Variants in ABCA3 observed in about 807,000 individuals in gnomAD.
The protein encoded by ABCA3 is phospholipid-transporting ATPase ABCA3.
ABCA3 carries 88 observed loss-of-function variants against 172.8 expected under a neutral mutation model. That is an observed-to-expected ratio of 0.51 (90% CI 0.43 to 0.61). The LOEUF (loss-of-function observed/expected upper bound fraction) is 0.61, where lower values mean the gene tolerates loss of function less well. Among genes scored for constraint, ABCA3 ranks in the 20% least tolerant of loss-of-function variants. The pLI, the probability that ABCA3 is intolerant of heterozygous loss-of-function variation, is 0.00. For missense variants in ABCA3, 2,164 were observed against 2,301.0 expected (o/e 0.94, Z 1.22); for synonymous variants, 1,066 against 983.8 (o/e 1.08, Z -1.56).
At chr16:2,335,582 A>G (rs573999667) in intron 1 of ABCA3, among the ~76,000 whole-genome samples, 2 of 152,256 alleles carry the variant, frequency 1.3e-5, no homozygotes, top group African/African-American at 4.8e-5. Context: ...CTTTACTGAC[A>G]TTTAATACTT....
At chr16:2,314,496 G>A (rs1401274608) in intron 10 of ABCA3, among the ~76,000 whole-genome samples, 2 of 152,022 alleles carry the variant, frequency 1.3e-5, no homozygotes, top group African/African-American at 4.8e-5. Flanking sequence ...GACTGTTTCA[G>A]TCGGGAAACA....
intron 11 of ABCA3, among the ~76,000 whole-genome samples, chr16:2,306,830 A>C (rs1323256093): frequency 6.6e-6 from 1 of 151,988 alleles, no homozygotes; most frequent in Non-Finnish European, 1.5e-5. Flanking sequence ...CCTGGCTAAC[A>C]CAGTGAAACC....
At position 2,284,494 on chromosome 16, in the gene ABCA3, G is replaced by A; in HGVS notation, c.3704-57C>T. ...GGAGGGCACACCACACCCACCTCCA[G>A]GACGGGCCTGGTCAGGGCGGGCACA... On this transcript the variant is annotated intron_variant, in intron 24 of 32. Coordinates refer to ENST00000301732, the MANE Select transcript of ABCA3 (RefSeq NM_001089.3). The surrounding 1 kb of genome is among the most constrained non-coding windows in gnomAD (Gnocchi z 5.9). 1.2e-6 allele frequency: 2 copies of A among 1,605,636 alleles called. No homozygotes were observed. Among genetic ancestry groups the A allele is most frequent in the South Asian group, 1.1e-5 (1 of 90,670 alleles).
Position 2,276,110 on chromosome 16 carries a change from C to T in ABCA3, c.*564G>A, listed in dbSNP as rs1001317347. On this transcript the variant is annotated 3_prime_UTR_variant, in exon 33 of 33. Coordinates refer to ENST00000301732, the MANE Select transcript of ABCA3 (RefSeq NM_001089.3). ...CCGGCTTCGCGGTGACTACCATGCC[C>T]TAAGGAGCAGAGCCTCCAGGATGCC... The T allele has an allele frequency of 3.0e-6, 1 of 332,642 alleles. No homozygotes were observed. The highest frequency in any genetic ancestry group is 2.2e-5 in the African/African-American group (1 of 45,762). 20.6% of individuals were successfully genotyped at this position (332,642 alleles called of 1,614,324 possible).
chr16:2,329,094 C>T lies in ABCA3; in HGVS notation c.-331-337G>A, dbSNP rs74517427. Among the ~76,000 whole-genome samples the T allele has an allele frequency of 6.3e-3, 952 of 151,342 alleles. 11 individuals carry two copies. Among genetic ancestry groups the T allele is most frequent in the East Asian group, 0.038 (196 of 5,168 alleles). ...TAAATATTTACATGAAATACAACTG[C>T]AAACAGTTAAAAATTAATTTAAAAT... is the stretch of plus-strand genomic sequence containing the variant. On this transcript the variant is annotated intron_variant, in intron 2 of 32. Coordinates refer to ENST00000301732, the MANE Select transcript of ABCA3 (RefSeq NM_001089.3).
intron 19 of ABCA3, among the ~76,000 whole-genome samples, chr16:2,290,533 C>G (rs1453803887): frequency 6.6e-6 from 1 of 152,166 alleles, no homozygotes; most frequent in East Asian, 1.9e-4. Flanking sequence ...GCTGCTGAGA[C>G]GCAGCAGGAT....
rs1463885956 is a variant in ABCA3 at position 2,324,455 on chromosome 16, G to A, written c.396C>T (p.Ala132=). ...GGTTGAAGGGGTGCTCGAAGACCAC[G>A]GCGGCCAGCACGCTGGACGAGCAGT... The part of the protein sequence containing the change: ...YDNCSSSVLA[A]VVFEHPFNHS... The change falls in exon 6 of 33, where the codon GCC becomes GCT. Residue 132 remains alanine (A), a synonymous_variant. Coordinates refer to ENST00000301732, the MANE Select transcript of ABCA3 (RefSeq NM_001089.3). 3.7e-6 allele frequency: 6 copies of A among 1,609,172 alleles called. No individual in the cohort carries two copies. Among genetic ancestry groups the A allele is most frequent in the African/African-American group, 2.7e-5 (2 of 74,896 alleles).
At chr16:2,290,492 C>T (rs113631786) in intron 19 of ABCA3, among the ~76,000 whole-genome samples, 4 of 152,178 alleles carry the variant, frequency 2.6e-5, no homozygotes, top group African/African-American at 9.7e-5. Context: ...GCCAGAGAGG[C>T]CTGAGACCTT....
chr16:2,297,444 G>A lies in ABCA3; in HGVS notation c.2148C>T (p.Ile716=), dbSNP rs778997367. The part of the protein sequence containing the change: ...LLQRQKSDRT[I]VLTTHFMDEA... ...CGTCCATGAAGTGGGTGGTCAGCAC[G>A]ATGGTGCGGTCACTTTTCTGCCGCT... Residue 716 remains isoleucine (I), a synonymous_variant, in exon 17 of 33, where the codon ATC becomes ATT. Coordinates refer to ENST00000301732, the MANE Select transcript of ABCA3 (RefSeq NM_001089.3). The surrounding 1 kb of genome is among the most constrained non-coding windows in gnomAD (Gnocchi z 5.6). The A allele has an allele frequency of 1.1e-5, 17 of 1,613,814 alleles. No individual in the cohort carries two copies. The Admixed American group carries it at 2.2e-4, about 21-fold the overall frequency.
In ABCA3 at chr16:2,317,307, T is replaced by C; in HGVS notation, c.1087A>G (p.Met363Val). The C allele has an allele frequency of 6.2e-7, 1 of 1,613,956 alleles. No individual in the cohort carries two copies. The highest frequency in any genetic ancestry group is 8.5e-7 in the Non-Finnish European group (1 of 1,179,980). Reference sequence around the variant, plus strand: ...CCTTTGCTGAAGAAGGTGCTGACCATGAAGCTGAAGGAGATGGTAGAGATG... The same window carrying C: ...CCTTTGCTGAAGAAGGTGCTGACCACGAAGCTGAAGGAGATGGTAGAGATG... Reference protein sequence around the residue: ...FAISTISFSFMVSTFFSKANM... With the variant: ...FAISTISFSFVVSTFFSKANM... Residue 363 changes from methionine (M) to valine (V), a missense_variant, in exon 10 of 33, where the codon ATG becomes GTG. Physicochemically the swap from Met to Val is conservative, Grantham distance 21. This residue lies in a region of ABCA3 where 1,343 missense variants were observed against 1,369.6 expected (regional missense o/e 0.98). Coordinates refer to ENST00000301732, the MANE Select transcript of ABCA3 (RefSeq NM_001089.3).
At chr16:2,299,295 T>C (rs765014934) in intron 14 of ABCA3, 108 bp downstream of exon 14, 229 of 1,503,410 alleles carry the variant, frequency 1.5e-4, no homozygotes, top group Non-Finnish European at 2.0e-4. Flanking sequence ...GCCGCTGTGG[T>C]TGGGGAAGGC....
Position 2,283,761 on chromosome 16 carries a change from A to C in ABCA3, c.3863-403T>G. On this transcript the variant is annotated intron_variant, in intron 25 of 32. Transcript: ENST00000301732. The surrounding 1 kb of genome is among the most constrained non-coding windows in gnomAD (Gnocchi z 5.4). ...GACCTGGGGTTGTGATCTTGCTTAG[A>C]AACAGGGTCTTTGAATATGTGATTA... The C allele has an allele frequency of 3.7e-6, 1 of 268,324 alleles. No homozygotes were observed. Among genetic ancestry groups the C allele is most frequent in the African/African-American group, 2.2e-5 (1 of 45,642 alleles). The allele number at this position is 268,324 out of a possible 1,614,324, so 16.6% of individuals were successfully genotyped here.
chr16:2,305,540 C>G (rs1469773267), intron 11 of ABCA3, among the ~76,000 whole-genome samples: 3 of 152,140 alleles, frequency 2.0e-5, no homozygotes, highest in African/African-American at 7.2e-5. Context: ...CATGACCCGC[C>G]CACCTCAGCC....
chr16:2,298,579 T>A (rs752444541), intron 14 of ABCA3, 39 bp from the exon 15 acceptor site: 1 of 1,608,992 alleles, frequency 6.2e-7, no homozygotes, highest in South Asian at 1.1e-5. Flanking sequence ...AGCATGAAGA[T>A]CCTGCTCGTC....
At position 2,326,287 on chromosome 16, in the gene ABCA3, C is replaced by T. The variant is rs1173095727; in HGVS notation, c.55-13G>A. ...GGACCTTCCGCTTCTGGAAGAGATA[C>T]AATAGGGCACGGTGATGGGCTGCAA... On this transcript the variant is annotated splice_polypyrimidine_tract_variant and intron_variant, in intron 4 of 32. Coordinates refer to ENST00000301732, the MANE Select transcript of ABCA3 (RefSeq NM_001089.3). The T allele has an allele frequency of 3.7e-6, 6 of 1,612,358 alleles. No individual in the cohort carries two copies. Among genetic ancestry groups the T allele is most frequent in the Non-Finnish European group, 5.1e-6 (6 of 1,180,032 alleles).
At chr16:2,306,880 T>G (rs943233341) in intron 11 of ABCA3, among the ~76,000 whole-genome samples, 2 of 151,446 alleles carry the variant, frequency 1.3e-5, no homozygotes, top group Non-Finnish European at 2.9e-5. Context: ...CTGGGCACGG[T>G]GGCGGGCGCC....
Position 2,286,901 on chromosome 16 carries a change from A to G in ABCA3, c.3071T>C (p.Leu1024Pro). 1 of 1,614,058 alleles carries G rather than the reference A, an allele frequency of 6.2e-7. No individual in the cohort carries two copies. The highest frequency in any genetic ancestry group is 8.5e-7 in the Non-Finnish European group (1 of 1,180,020). Residue 1024 changes from leucine (L) to proline (P), a missense_variant, in exon 22 of 33, where the codon CTT becomes CCT. Physicochemically the swap from Leu to Pro is moderately conservative, Grantham distance 98. Around this residue, in one of 3 missense-constraint regions of ABCA3, gnomAD observed 1,343 missense variants for 1,369.6 expected, o/e 0.98. Coordinates refer to ENST00000301732, the MANE Select transcript of ABCA3 (RefSeq NM_001089.3). The surrounding 1 kb of genome is among the most constrained non-coding windows in gnomAD (Gnocchi z 5.2). Reference protein sequence around the residue: ...VEGGGFNERCLVAASFRDVGE... With the variant: ...VEGGGFNERCPVAASFRDVGE... ...CACATCTCTGAAGGACGCTGCCACAAGGCACCGCTCATTAAAGCCGCCCCC... is the reference window on the plus strand; with the variant it reads ...CACATCTCTGAAGGACGCTGCCACAGGGCACCGCTCATTAAAGCCGCCCCC...
chr16:2,297,352 G>A lies in ABCA3; in HGVS notation c.2240C>T (p.Ser747Leu), dbSNP rs1218862774. The A allele has an allele frequency of 4.3e-6, 7 of 1,612,110 alleles. No individual in the cohort carries two copies. Among genetic ancestry groups the A allele is most frequent in the African/African-American group, 4.0e-5 (3 of 74,796 alleles). Residue 747 changes from serine (S) to leucine (L), a missense_variant, in exon 17 of 33, where the codon TCG (serine) becomes TTG (leucine). By Grantham distance (145) the Ser-to-Leu change is moderately radical. Coordinates refer to ENST00000301732, the MANE Select transcript of ABCA3 (RefSeq NM_001089.3). This position sits in a 1 kb window ranked among gnomAD's most constrained non-coding sequence, Gnocchi z 5.6. ...ACCGTATTTCTGCTTGAGGAACAGC[G>A]AGGACCCGCAGCACTGCAGCTCCCC... ...AKGELQCCGSSLFLKQKYGAG... is the reference protein window; with the variant it reads ...AKGELQCCGSLLFLKQKYGAG...
chr16:2,303,858 G>A, intron 12 of ABCA3, 111 bp downstream of exon 12: 1 of 1,249,700 alleles, frequency 8.0e-7, no homozygotes, highest in South Asian at 1.3e-5. Context: ...CTGTGTGCCA[G>A]CCCCACGCAG....
Sources: gnomAD v4.1 joint callset for allele counts (sites outside exome capture counted in the v4.1 genomes callset) on GRCh38, gnomAD v4.1.1 for gene constraint, gnomAD v4.1.1 regional missense constraint, Gnocchi (gnomAD v3.1) non-coding constraint, MANE v1.5 for transcripts, NCBI Gene and HGNC (gene_info 2026-07-23, HGNC 2026-07-21) for gene names.